Variants in VGLL3 observed in about 807,000 individuals in gnomAD.
VGLL3 encodes the protein transcription cofactor vestigial-like protein 3.
In VGLL3, 18 loss-of-function variants were observed where a neutral mutation model predicts 29.2. The observed-to-expected ratio is 0.62, with a 90% CI of 0.43 to 0.91. VGLL3 has a LOEUF of 0.91. VGLL3 is among the 40% of genes least tolerant of loss of function. VGLL3 has a pLI of 0.00. For missense variants in VGLL3, 440 were observed against 413.2 expected, an observed-to-expected ratio of 1.06 and a Z score of -0.56; for synonymous variants, 180 against 151.8, an observed-to-expected ratio of 1.19 and a Z score of -1.36.
intron 1 of VGLL3, among the ~76,000 whole-genome samples, chr3:86,989,896 C>G (rs927357063): frequency 1.3e-5 from 2 of 152,132 alleles, no homozygotes; most frequent in African/African-American, 4.8e-5. Context: ...TTCACGACCC[C>G]TTATTATGGA....
Position 86,940,944 on chromosome 3 carries a change from A to G in VGLL3, c.*6080T>C, listed in dbSNP as rs1056345503. ...TAGCACAACTTCTTGTAGAACTAAC[A>G]AGTCTGAAAGTTCATGGTATTTCAA... On this transcript the variant is annotated 3_prime_UTR_variant, in exon 4 of 4. Coordinates refer to ENST00000398399, the MANE Select transcript of VGLL3 (RefSeq NM_016206.4). 2 of 152,442 alleles carry G rather than the reference A, an allele frequency of 1.3e-5. No homozygotes were observed. The highest frequency in any genetic ancestry group is 4.8e-5 in the African/African-American group (2 of 41,448). 9.4% of individuals were successfully genotyped at this position (152,442 alleles called of 1,614,324 possible).
chr3:86,950,551 A>G (rs752457177), intron 3 of VGLL3, among the ~76,000 whole-genome samples: 4 of 152,210 alleles, frequency 2.6e-5, no homozygotes, highest in African/African-American at 9.6e-5. Flanking sequence ...AAATCAATTC[A>G]AGGAAAACTT....
rs1326053873 is a variant in VGLL3, at chr3:86,982,211, C to T, written c.127-3409G>A. ...CCAGGCTGGAGTGCAATGGTGTGAT[C>T]TTGGCTCACTGCAACCTCCGCCTCC... On this transcript the variant is annotated intron_variant, in intron 1 of 3. Transcript: ENST00000398399. 2.6e-5 allele frequency among the ~76,000 whole-genome samples: 4 copies of T among 152,116 alleles called. No homozygotes were observed. In the East Asian group the frequency reaches 5.8e-4, roughly 22 times the overall value.
In VGLL3 at chr3:86,946,905, C is replaced by CTGGT; in HGVS notation, c.*118_*119insACCA. 2.9e-6 allele frequency: 2 copies of CTGGT among 698,880 alleles called. No individual in the cohort carries two copies. Among genetic ancestry groups the CTGGT allele is most frequent in the Non-Finnish European group, 5.3e-6 (2 of 376,208 alleles). 43.3% of individuals were successfully genotyped at this position (698,880 alleles called of 1,614,324 possible). On this transcript the variant is annotated 3_prime_UTR_variant, in exon 4 of 4. Coordinates refer to ENST00000398399, the MANE Select transcript of VGLL3 (RefSeq NM_016206.4). ...CCGAAAACCAGTCAACTGCGTGACACTTTGTCTTCTCCTTCTATGCCTTTC... is the reference window on the plus strand; with the variant it reads ...CCGAAAACCAGTCAACTGCGTGACACTGGTTTTGTCTTCTCCTTCTATGCCTTTC...
intron 3 of VGLL3, among the ~76,000 whole-genome samples, chr3:86,963,717 T>C (rs868320220): frequency 5.3e-5 from 8 of 152,364 alleles, no homozygotes; most frequent in African/African-American, 1.9e-4. Flanking sequence ...CATGAACTAA[T>C]TTAATCTCAA....
chr3:86,980,668 A>G (rs1253584319), intron 1 of VGLL3, among the ~76,000 whole-genome samples: 4 of 152,254 alleles, frequency 2.6e-5, no homozygotes, highest in African/African-American at 9.6e-5. Context: ...CTCTAAAACT[A>G]TTCCTAGTTT....
chr3:86,976,875 A>G (rs180749082), intron 2 of VGLL3, among the ~76,000 whole-genome samples: 1 of 152,318 alleles, frequency 6.6e-6, no homozygotes, highest in African/African-American at 2.4e-5. Flanking sequence ...GATTATCTTA[A>G]TAGGATTCAT....
At chr3:86,969,247 T>G in intron 2 of VGLL3, 124 bp from the exon 3 acceptor site, 1 of 1,197,680 alleles carries the variant, frequency 8.3e-7, no homozygotes, top group Non-Finnish European at 1.1e-6. Context: ...GCATGCACTC[T>G]TATTCTCCCC....
At chr3:86,966,219 C>A (rs1346245376) in intron 3 of VGLL3, among the ~76,000 whole-genome samples, 1 of 152,006 alleles carries the variant, frequency 6.6e-6, no homozygotes, top group Non-Finnish European at 1.5e-5. Flanking sequence ...TTCACAGTAA[C>A]GGAGCTCTAA....
chr3:86,983,041 G>A (rs1043451073), intron 1 of VGLL3, among the ~76,000 whole-genome samples: 8 of 152,138 alleles, frequency 5.3e-5, no homozygotes, highest in Non-Finnish European at 1.0e-4. Context: ...AATGTGCAGG[G>A]GAAGGATTTG....
intron 3 of VGLL3, among the ~76,000 whole-genome samples, chr3:86,967,525 G>A (rs1704990196): frequency 1.3e-5 from 2 of 152,128 alleles, no homozygotes; most frequent in Admixed American, 1.3e-4. Context: ...CTCATGTCAC[G>A]GGAGAGGTAA....
chr3:86,955,067 C>G (rs1575861885), intron 3 of VGLL3, among the ~76,000 whole-genome samples: 2 of 152,018 alleles, frequency 1.3e-5, no homozygotes, highest in Non-Finnish European at 2.9e-5. Flanking sequence ...GTCCAGAAAA[C>G]AGATAATCCA....
chr3:86,989,095 T>TA (rs1705523882), intron 1 of VGLL3, among the ~76,000 whole-genome samples: 1 of 152,206 alleles, frequency 6.6e-6, no homozygotes, highest in Non-Finnish European at 1.5e-5. Flanking sequence ...AAAAAAGTGT[T>TA]ACAGTATTAA....
chr3:86,962,386 C>CT, intron 3 of VGLL3: 1 of 985,314 alleles, frequency 1.0e-6, no homozygotes, highest in South Asian at 4.7e-5. Context: ...AGTATGGATC[C>CT]TTTTAAATTT....
At chr3:86,954,212 G>A (rs1458070246) in intron 3 of VGLL3, among the ~76,000 whole-genome samples, 1 of 152,196 alleles carries the variant, frequency 6.6e-6, no homozygotes, top group Admixed American at 6.5e-5. Flanking sequence ...GGGCAGAAAT[G>A]TAAAACCCAC....
At chr3:86,984,892 C>T (rs1275876182) in intron 1 of VGLL3, among the ~76,000 whole-genome samples, 1 of 151,926 alleles carries the variant, frequency 6.6e-6, no homozygotes, top group Non-Finnish European at 1.5e-5. Context: ...GCTAATATTC[C>T]AAAATTTAAA....
intron 3 of VGLL3, among the ~76,000 whole-genome samples, chr3:86,956,149 G>A (rs1704717787): frequency 6.6e-6 from 1 of 152,160 alleles, no homozygotes; most frequent in Admixed American, 6.5e-5. Context: ...AAAATTGTCA[G>A]GGAACAAGTT....
In VGLL3 at chr3:86,990,815, C is replaced by G. The variant is rs931486069; in HGVS notation, c.-72G>C. The G allele has an allele frequency of 8.3e-7, 1 of 1,206,000 alleles. No individual in the cohort carries two copies. Among genetic ancestry groups the G allele is most frequent in the Non-Finnish European group, 1.0e-6 (1 of 964,772 alleles). The allele number at this position is 1,206,000 out of a possible 1,614,324, so 74.7% of individuals were successfully genotyped here. On this transcript the variant is annotated 5_prime_UTR_variant, in exon 1 of 4. Transcript: ENST00000398399. ...GCGCTGGCGCGAGGGGCGCGGGCGC[C>G]GCCGCCGCCGCAGCTGCCGCCTCTG...
chr3:86,978,969 C>T (rs1705269814), intron 1 of VGLL3, among the ~76,000 whole-genome samples, 167 bp from the exon 2 acceptor site: 1 of 152,140 alleles, frequency 6.6e-6, no homozygotes, highest in East Asian at 1.9e-4. Context: ...AACCAGTTGC[C>T]TCCTTCCCAC....
Sources: gnomAD v4.1 joint callset for allele counts (sites outside exome capture counted in the v4.1 genomes callset) on GRCh38, gnomAD v4.1.1 for gene constraint, MANE v1.5 for transcripts, NCBI Gene and HGNC (gene_info 2026-07-23, HGNC 2026-07-21) for gene names.